Variants in DNAJC12 observed in about 807,000 individuals in gnomAD.
DNAJC12 encodes the protein dnaJ homolog subfamily C member 12.
A neutral mutation model predicts 28.5 loss-of-function variants in DNAJC12; 25 were observed. The observed-to-expected ratio is 0.88, with a 90% CI of 0.64 to 1.22. The LOEUF is 1.22. DNAJC12 is among the 50% of genes most tolerant of loss of function. The pLI is 0.00. For synonymous variants in DNAJC12, 77 were observed against 80.6 expected (o/e 0.95, Z 0.24); for missense variants, 222 against 231.7 (o/e 0.96, Z 0.27).
chr10:67,816,387 T>G (rs1001238048), intron 2 of DNAJC12, among the ~76,000 whole-genome samples: 1 of 151,924 alleles, frequency 6.6e-6, no homozygotes, highest in Non-Finnish European at 1.5e-5. Flanking sequence ...GGAAAAACAG[T>G]AAAGACTATA....
intron 1 of DNAJC12, among the ~76,000 whole-genome samples, chr10:67,834,870 C>T (rs1435678122): frequency 1.3e-5 from 2 of 152,094 alleles, no homozygotes; most frequent in African/African-American, 4.8e-5. Context: ...GAAAGGCTAA[C>T]TGTCTTGGAA....
intron 4 of DNAJC12, among the ~76,000 whole-genome samples, chr10:67,800,445 G>A (rs936094697): frequency 1.3e-5 from 2 of 152,106 alleles, no homozygotes; most frequent in African/African-American, 4.8e-5. Context: ...GGAGAATTTA[G>A]CTTCCCACTT....
intron 4 of DNAJC12, among the ~76,000 whole-genome samples, chr10:67,799,062 G>T (rs1211349407): frequency 1.3e-5 from 2 of 152,064 alleles, no homozygotes; most frequent in East Asian, 1.9e-4. Flanking sequence ...ACCGTGCCCG[G>T]CCAATTTTCA....
chr10:67,833,797 TTGC>T (rs1589051640), intron 1 of DNAJC12: 3 of 498,462 alleles, frequency 6.0e-6, no homozygotes, highest in South Asian at 1.5e-5. Flanking sequence ...GGACTGACCA[TTGC>T]TGCTGCAGGA....
At chr10:67,813,751 C>T (rs1408470569) in intron 2 of DNAJC12, among the ~76,000 whole-genome samples, 1 of 146,284 alleles carries the variant, frequency 6.8e-6, no homozygotes, top group Non-Finnish European at 1.5e-5. Flanking sequence ...GAGCAAGACT[C>T]TGTCTCAAAA....
intron 4 of DNAJC12, among the ~76,000 whole-genome samples, chr10:67,804,737 T>C (rs928770150): frequency 2.6e-5 from 4 of 152,148 alleles, no homozygotes; most frequent in Non-Finnish European, 5.9e-5. Context: ...TATTTACAGA[T>C]AAGGCATTAT....
At chr10:67,824,252 A>AT (rs1175989255) in intron 1 of DNAJC12, among the ~76,000 whole-genome samples, 2 of 151,298 alleles carry the variant, frequency 1.3e-5, no homozygotes, top group Non-Finnish European at 2.9e-5. Context: ...AAAAAAAAAA[A>AT]AATATTTAAA....
chr10:67,806,839 A>G (rs1311301698), intron 3 of DNAJC12, among the ~76,000 whole-genome samples: 2 of 141,168 alleles, frequency 1.4e-5, no homozygotes, highest in Admixed American at 1.4e-4. Flanking sequence ...AAAAAAAAAA[A>G]GAAAAAGAAA....
intron 3 of DNAJC12, among the ~76,000 whole-genome samples, chr10:67,806,252 T>C (rs1350420762): frequency 1.3e-5 from 2 of 152,194 alleles, no homozygotes; most frequent in East Asian, 3.8e-4. Context: ...TAAGAAACAG[T>C]GACACACTAC....
intron 3 of DNAJC12, among the ~76,000 whole-genome samples, chr10:67,808,812 T>C (rs905725140): frequency 6.6e-6 from 1 of 152,242 alleles, no homozygotes; most frequent in African/African-American, 2.4e-5. Flanking sequence ...ATTTCTGACC[T>C]GCTTTTGGAT....
At chr10:67,812,838 C>T (rs1474855184) in intron 2 of DNAJC12, among the ~76,000 whole-genome samples, 165 of 147,480 alleles carry the variant, frequency 1.1e-3, no homozygotes, top group Middle Eastern at 3.6e-3. Context: ...GGCGACAGAG[C>T]GAGACTCCAT....
At chr10:67,808,029 T>C (rs919437356) in intron 3 of DNAJC12, among the ~76,000 whole-genome samples, 4 of 152,230 alleles carry the variant, frequency 2.6e-5, no homozygotes, top group East Asian at 1.9e-4. Context: ...ATCAGAGTGA[T>C]GCTAAGCAGC....
chr10:67,826,809 GATAT>G (rs1283869716), intron 1 of DNAJC12, among the ~76,000 whole-genome samples: 1 of 122,358 alleles, frequency 8.2e-6, no homozygotes, highest in Non-Finnish European at 1.6e-5. Context: ...GATATATAAT[GATAT>G]ATATAATATA....
chr10:67,816,543 C>T lies in DNAJC12; in HGVS notation c.158-4880G>A, dbSNP rs77650662. On this transcript the variant is annotated intron_variant, in intron 2 of 4. Transcript: ENST00000225171. ...AGGTTCTTAGTCTGAAGTTTACTTT[C>T]TTTTTTTTTTTTTTTTTTTTGAGGC... Among the ~76,000 whole-genome samples, 508 of 88,246 alleles carry T rather than the reference C, an allele frequency of 5.8e-3. 104 individuals are homozygous for T. Among genetic ancestry groups the T allele is most frequent in the Middle Eastern group, 0.013 (2 of 158 alleles). 57.9% of individuals were successfully genotyped at this position (88,246 alleles called of 152,430 possible). A position where few individuals can be genotyped will look rare whatever the true frequency, so the allele number is the denominator to read the frequency against.
intron 1 of DNAJC12, among the ~76,000 whole-genome samples, chr10:67,831,579 G>T (rs1057195540): frequency 6.6e-6 from 1 of 152,030 alleles, no homozygotes; most frequent in Admixed American, 6.6e-5. Context: ...ATCTAGTAAG[G>T]CCATTTCAAG....
At chr10:67,818,981 C>T (rs1328136650) in intron 2 of DNAJC12, among the ~76,000 whole-genome samples, 1 of 152,134 alleles carries the variant, frequency 6.6e-6, no homozygotes, top group African/African-American at 2.4e-5. Context: ...TATGCTAGGA[C>T]ACCTATCTTA....
At chr10:67,810,222 T>C (rs769731766) in intron 3 of DNAJC12, among the ~76,000 whole-genome samples, 2 of 152,070 alleles carry the variant, frequency 1.3e-5, no homozygotes, top group African/African-American at 2.4e-5. Context: ...GAACTCACTA[T>C]CATGAGAAAA....
intron 1 of DNAJC12, among the ~76,000 whole-genome samples, chr10:67,835,769 T>C (rs1842137278): frequency 6.7e-6 from 1 of 148,208 alleles, no homozygotes; most frequent in Non-Finnish European, 1.5e-5. Context: ...GAAGTGACAA[T>C]ATTATGACAA....
At chr10:67,837,791 A>G (rs1172673165) in intron 1 of DNAJC12, 143 bp downstream of exon 1, 1 of 575,814 alleles carries the variant, frequency 1.7e-6, no homozygotes, top group Non-Finnish European at 3.0e-6. Flanking sequence ...ACTTTCTCTG[A>G]GCCAAAAGTG....
Sources: gnomAD v4.1 joint callset for allele counts (sites outside exome capture counted in the v4.1 genomes callset) on GRCh38, gnomAD v4.1.1 for gene constraint, MANE v1.5 for transcripts, NCBI Gene and HGNC (gene_info 2026-07-23, HGNC 2026-07-21) for gene names.